Variants in PAM observed in about 807,000 individuals in gnomAD.
PAM encodes peptidyl-glycine alpha-amidating monooxygenase.
A neutral mutation model predicts 122.1 loss-of-function variants in PAM; 72 were observed. The observed-to-expected ratio is 0.59, with a 90% CI of 0.49 to 0.72. The LOEUF is 0.72. Ranked by LOEUF, PAM falls within the 30% of genes least tolerant of loss-of-function variation. The pLI, the probability that PAM is intolerant of heterozygous loss-of-function variation, is 0.00. For missense variants in PAM, 1,106 were observed against 1,183.7 expected, an observed-to-expected ratio of 0.93 and a Z score of 0.96; for synonymous variants, 389 against 404.4, an observed-to-expected ratio of 0.96 and a Z score of 0.46.
intron 14 of PAM, among the ~76,000 whole-genome samples, chr5:102,971,391 A>G (rs2150397851): frequency 6.6e-6 from 1 of 152,322 alleles, no homozygotes; most frequent in East Asian, 1.9e-4. Context: ...TTAAAGGCAC[A>G]AAGTAGAATT....
chr5:103,016,276 G>A (rs1319642368), intron 21 of PAM, among the ~76,000 whole-genome samples: 1 of 152,134 alleles, frequency 6.6e-6, no homozygotes, highest in East Asian at 1.9e-4. Context: ...GTATTCTTCT[G>A]CCCCGCCTAA....
intron 8 of PAM, among the ~76,000 whole-genome samples, chr5:102,948,043 C>T (rs183355246): frequency 6.6e-6 from 1 of 152,210 alleles, no homozygotes; most frequent in Admixed American, 6.5e-5. Context: ...AGCCCACCCG[C>T]ACTATGGAAA....
chr5:102,875,848 T>A (rs531905804), intron 3 of PAM, among the ~76,000 whole-genome samples: 302 of 152,320 alleles, frequency 2.0e-3, no homozygotes, highest in Non-Finnish European at 2.5e-3. Flanking sequence ...GGCTGAAGTT[T>A]CCCAGTCGCT....
chr5:102,943,023 C>T (rs1755809235), intron 7 of PAM, among the ~76,000 whole-genome samples: 1 of 152,114 alleles, frequency 6.6e-6, no homozygotes, highest in Admixed American at 6.5e-5. Flanking sequence ...CTAACCTTTA[C>T]CTTCACCTTC....
At chr5:102,962,221 T>G (rs1276302057) in intron 14 of PAM, among the ~76,000 whole-genome samples, 1 of 151,868 alleles carries the variant, frequency 6.6e-6, no homozygotes, top group African/African-American at 2.4e-5. Context: ...CCTGAGGTTT[T>G]TAAATTATAC....
chr5:102,878,536 G>A (rs185699873), intron 3 of PAM, among the ~76,000 whole-genome samples: 1 of 152,000 alleles, frequency 6.6e-6, no homozygotes, highest in Non-Finnish European at 1.5e-5. Context: ...AGAGCCTCCA[G>A]CAGGTCCTTC....
intron 3 of PAM, chr5:102,873,806 C>T (rs1485397823): frequency 3.3e-5 from 5 of 152,144 alleles, no homozygotes; most frequent in African/African-American, 1.2e-4. Context: ...AGATTGATTG[C>T]ATTGTCATTG....
intron 16 of PAM, among the ~76,000 whole-genome samples, chr5:103,001,671 T>C (rs1777431417): frequency 6.6e-6 from 1 of 152,056 alleles, no homozygotes; most frequent in Non-Finnish European, 1.5e-5. Context: ...GCTCAGATAA[T>C]TGTGTGGTGT....
chr5:102,974,631 T>C (rs915262499), intron 15 of PAM, 195 bp downstream of exon 15: 9 of 453,102 alleles, frequency 2.0e-5, no homozygotes, highest in African/African-American at 1.0e-4. Flanking sequence ...TTTGGTCTAT[T>C]ACTGCATAAA....
intron 1 of PAM, among the ~76,000 whole-genome samples, chr5:102,811,408 A>G (rs923507439): frequency 6.6e-6 from 1 of 152,204 alleles, no homozygotes; most frequent in Non-Finnish European, 1.5e-5. Flanking sequence ...TACAGCTTGC[A>G]AGTACAGACT....
At chr5:102,842,269 A>AT (rs1477103099) in intron 1 of PAM, among the ~76,000 whole-genome samples, 1 of 151,844 alleles carries the variant, frequency 6.6e-6, no homozygotes, top group Non-Finnish European at 1.5e-5. Context: ...ACTGAAGAAT[A>AT]TTAATATGGT....
At chr5:102,962,191 A>C (rs535785228) in intron 14 of PAM, among the ~76,000 whole-genome samples, 6 of 151,998 alleles carry the variant, frequency 3.9e-5, no homozygotes, top group African/African-American at 1.4e-4. Flanking sequence ...TTCTGAAAGA[A>C]GCATAAAGTA....
intron 5 of PAM, among the ~76,000 whole-genome samples, chr5:102,916,428 AC>A (rs1294172773): frequency 6.6e-6 from 1 of 151,854 alleles, no homozygotes; most frequent in Admixed American, 6.6e-5. Flanking sequence ...CCATAGCCCC[AC>A]TTAATTTGTA....
At chr5:103,024,154 G>T (rs757120378) in intron 23 of PAM, among the ~76,000 whole-genome samples, 1 of 152,054 alleles carries the variant, frequency 6.6e-6, no homozygotes, top group African/African-American at 2.4e-5. Flanking sequence ...TGCAAATGTG[G>T]TTGTAACTTT....
chr5:102,964,555 G>GCTGCTATT (rs1763457781), intron 14 of PAM, among the ~76,000 whole-genome samples: 1 of 151,628 alleles, frequency 6.6e-6, no homozygotes, highest in Non-Finnish European at 1.5e-5. Context: ...TGAGTCTGTA[G>GCTGCTATT]GGATTTCTTT....
At chr5:102,780,035 T>C (rs1275606873) in intron 1 of PAM, among the ~76,000 whole-genome samples, 2 of 151,212 alleles carry the variant, frequency 1.3e-5, no homozygotes, top group African/African-American at 4.9e-5. Context: ...AAACAAATAA[T>C]TTATAAGTTT....
chr5:102,853,850 C>G lies in PAM; in HGVS notation c.-373-11973C>G, dbSNP rs148431628. Among the ~76,000 whole-genome samples the G allele has an allele frequency of 7.8e-3, 1,192 of 152,250 alleles. 12 individuals are homozygous for G. The highest frequency in any genetic ancestry group is 0.027 in the African/African-American group (1,107 of 41,554). ...TCACTGCCAGGAAATGAGCATTGTG[C>G]GATGTGAAACAATAACACTTCTCAC... On this transcript the variant is annotated intron_variant, in intron 1 of 25. Coordinates refer to ENST00000438793, the MANE Select transcript of PAM (RefSeq NM_001177306.2).
At chr5:102,966,252 GA>G (rs1191602911) in intron 14 of PAM, among the ~76,000 whole-genome samples, 1 of 152,030 alleles carries the variant, frequency 6.6e-6, no homozygotes, top group African/African-American at 2.4e-5. Context: ...AAGGCTCTGG[GA>G]AGCTGACTGA....
At chr5:102,849,696 A>G (rs1445131496) in intron 1 of PAM, among the ~76,000 whole-genome samples, 2 of 152,216 alleles carry the variant, frequency 1.3e-5, no homozygotes, top group African/African-American at 4.8e-5. Flanking sequence ...TGTGATATGA[A>G]TCTATTGGAA....
Sources: allele counts gnomAD v4.1 joint callset (sites outside exome capture counted in the v4.1 genomes callset), GRCh38; gene constraint gnomAD v4.1.1; transcripts MANE v1.5; gene names NCBI Gene and HGNC (gene_info 2026-07-23, HGNC 2026-07-21).